The following MARCO variants were observed in gnomAD, a reference collection of about 807,000 sequenced individuals.
MARCO encodes macrophage receptor with collagenous structure, also known as macrophage receptor MARCO.
A neutral mutation model predicts 70.0 loss-of-function variants in MARCO; 72 were observed. The ratio of observed to expected loss-of-function variants is 1.03; its 90% CI spans 0.85 to 1.25. The LOEUF (loss-of-function observed/expected upper bound fraction) is 1.25. Among genes scored for constraint, MARCO ranks in the 50% most tolerant of loss-of-function variants. The probability of loss-of-function intolerance (pLI) is 0.00; values close to 1 mark genes in which losing one functional copy is unlikely to be tolerated. For missense variants in MARCO, 696 were observed against 659.3 expected, an observed-to-expected ratio of 1.06 and a Z score of -0.61; for synonymous variants, 273 against 243.1, an observed-to-expected ratio of 1.12 and a Z score of -1.14.
intron 12 of MARCO, among the ~76,000 whole-genome samples, chr2:118,990,229 A>G (rs1166060127): frequency 6.6e-6 from 1 of 152,192 alleles, no homozygotes; most frequent in East Asian, 1.9e-4. Context: ...AGATAACTTT[A>G]TTTACCAAAT....
chr2:118,968,891 A>T (rs17795448), intron 1 of MARCO, among the ~76,000 whole-genome samples: 19,517 of 152,280 alleles, frequency 0.13, 1,381 homozygotes, highest in South Asian at 0.27. Context: ...CCAGTGAACA[A>T]GGTTGATATG....
Position 118,994,555 on chromosome 2 carries a change from G to A in MARCO, c.*35G>A, listed in dbSNP as rs765541242. On this transcript the variant is annotated 3_prime_UTR_variant, in exon 17 of 17. Transcript: ENST00000327097. The stretch of plus-strand genomic sequence containing the variant: ...CCTTTCACTTCTCTGCTCCCGAGGT[G>A]TCCTCGGGCTCATATGTGGGAAGGC... The A allele has an allele frequency of 1.3e-6, 2 of 1,534,478 alleles. No individual in the cohort carries two copies. The highest frequency in any genetic ancestry group is 1.4e-5 in the African/African-American group (1 of 72,452).
chr2:118,982,595 G>A (rs1388803554), intron 12 of MARCO, among the ~76,000 whole-genome samples, 185 bp downstream of exon 12: 1 of 152,282 alleles, frequency 6.6e-6, no homozygotes, highest in African/African-American at 2.4e-5. Context: ...GCCTAGGGCT[G>A]TTCTTTCTCT....
At chr2:118,943,932 G>A (rs1370710465) in intron 1 of MARCO, among the ~76,000 whole-genome samples, 1 of 152,156 alleles carries the variant, frequency 6.6e-6, no homozygotes, top group Non-Finnish European at 1.5e-5. Context: ...GATGGCTGGA[G>A]AGAGAAGCTG....
chr2:118,992,371 G>A (rs1320935203), intron 14 of MARCO, 61 bp from the exon 15 acceptor site: 18 of 1,423,748 alleles, frequency 1.3e-5, no homozygotes, highest in Non-Finnish European at 1.7e-5. Flanking sequence ...TCATGCAAAT[G>A]CAGGCAAAGG....
At chr2:118,975,156 C>A (rs757468230) in intron 6 of MARCO, among the ~76,000 whole-genome samples, 2 of 152,092 alleles carry the variant, frequency 1.3e-5, no homozygotes, top group African/African-American at 4.8e-5. Context: ...AATGGGTTCA[C>A]GGGGCCCGGT....
At chr2:118,982,093 G>T in intron 10 of MARCO, 63 bp from the exon 11 acceptor site, 1 of 1,156,674 alleles carries the variant, frequency 8.6e-7, no homozygotes, top group Non-Finnish European at 1.3e-6. Flanking sequence ...GAAGCACTGG[G>T]GGTTGGGGTA....
rs1159638961 is a variant in MARCO, at chr2:118,992,484, C to A, written c.1252+8C>A. 1.9e-6 allele frequency: 3 copies of A among 1,607,096 alleles called. No homozygotes were observed. Among genetic ancestry groups the A allele is most frequent in the Non-Finnish European group, 2.6e-6 (3 of 1,173,660 alleles). ...GAGAAAAAGGTGAAAGAGGTAATCA[C>A]TATTTATATTATCTTTAATGTGTGC... On this transcript the variant is annotated splice_region_variant and intron_variant, in intron 15 of 16. Coordinates refer to ENST00000327097, the MANE Select transcript of MARCO (RefSeq NM_006770.4).
rs1680629248 is a variant in MARCO, at chr2:118,991,895, T to G, written c.1207+20T>G. Reference sequence around the variant, plus strand: ...TGAAAGGTAAGGCCTCTGCATCTGATTCCTTTGTTCTTAGGACTGTGCTTT... The same window carrying G: ...TGAAAGGTAAGGCCTCTGCATCTGAGTCCTTTGTTCTTAGGACTGTGCTTT... On this transcript the variant is annotated intron_variant, in intron 14 of 16. Transcript: ENST00000327097. 2 of 1,535,508 alleles carry G rather than the reference T, an allele frequency of 1.3e-6. No homozygotes were observed. The highest frequency in any genetic ancestry group is 1.8e-6 in the Non-Finnish European group (2 of 1,124,366).
intron 1 of MARCO, among the ~76,000 whole-genome samples, chr2:118,954,955 C>T (rs1484626075): frequency 6.6e-6 from 1 of 151,996 alleles, no homozygotes; most frequent in Admixed American, 6.6e-5. Context: ...ACAGAACCTA[C>T]CCAAATGAGA....
intron 1 of MARCO, chr2:118,953,097 G>A (rs1299265531): frequency 1.3e-5 from 2 of 152,194 alleles, no homozygotes; most frequent in African/African-American, 2.4e-5. Context: ...ACTGATATCC[G>A]ATTTGCTAAT....
chr2:118,986,618 A>G (rs1159751082), intron 12 of MARCO, among the ~76,000 whole-genome samples: 1 of 25,482 alleles, frequency 3.9e-5, no homozygotes, highest in Non-Finnish European at 6.7e-5. Context: ...AGAAAGAAAG[A>G]AAGAAAGAAA....
chr2:118,981,137 G>C (rs911952161), intron 8 of MARCO, among the ~76,000 whole-genome samples: 1 of 152,110 alleles, frequency 6.6e-6, no homozygotes, highest in African/African-American at 2.4e-5. Flanking sequence ...CTGAGCCTTG[G>C]CTATTGTCCC....
At chr2:118,991,174 T>G (rs531575844) in intron 13 of MARCO, among the ~76,000 whole-genome samples, 2 of 152,170 alleles carry the variant, frequency 1.3e-5, no homozygotes, top group East Asian at 3.9e-4. Context: ...CCCCTGTGAG[T>G]GCAAAAGTGA....
chr2:118,952,220 C>T (rs1193505516), intron 1 of MARCO, among the ~76,000 whole-genome samples: 3 of 152,116 alleles, frequency 2.0e-5, no homozygotes, highest in East Asian at 1.9e-4. Flanking sequence ...CCTTGCCTGT[C>T]CTGGAAGGCT....
intron 1 of MARCO, 114 bp downstream of exon 1, chr2:118,942,511 T>G (rs1183305443): frequency 1.2e-6 from 1 of 802,948 alleles, no homozygotes; most frequent in Non-Finnish European, 2.1e-6. Flanking sequence ...TGCTGCATTT[T>G]GCACGTAATC....
intron 13 of MARCO, among the ~76,000 whole-genome samples, chr2:118,991,303 G>C (rs948519561): frequency 6.6e-6 from 1 of 150,408 alleles, no homozygotes; most frequent in Non-Finnish European, 1.5e-5. Flanking sequence ...TGTCACCCAG[G>C]CCCGAATGCA....
rs756902354 is a variant in MARCO, at chr2:118,974,451, T to C, written c.568+11T>C. 1 of 1,612,346 alleles carries C rather than the reference T, an allele frequency of 6.2e-7. No homozygotes were observed. The highest frequency in any genetic ancestry group is 2.2e-5 in the East Asian group (1 of 44,830). On this transcript the variant is annotated intron_variant, in intron 5 of 16. Coordinates refer to ENST00000327097, the MANE Select transcript of MARCO (RefSeq NM_006770.4). ...GAGATGGAGCAACAGGTACGGGTCT[T>C]TTTCTTCTGACCCTTAATCATTTTC...
At chr2:118,963,209 T>C (rs1014875986) in intron 1 of MARCO, among the ~76,000 whole-genome samples, 17 of 151,710 alleles carry the variant, frequency 1.1e-4, no homozygotes, top group Non-Finnish European at 2.1e-4. Context: ...GCCTTTTTTA[T>C]TTTTGGTGTA....
Sources: gnomAD v4.1 joint callset for allele counts (sites outside exome capture counted in the v4.1 genomes callset) on GRCh38, gnomAD v4.1.1 for gene constraint, MANE v1.5 for transcripts, NCBI Gene and HGNC (gene_info 2026-07-23, HGNC 2026-07-21) for gene names.